AVPI1: variants seen among roughly 807,000 people sequenced by gnomAD.
AVPI1 encodes the protein arginine vasopressin induced 1.
A neutral mutation model predicts 11.9 loss-of-function variants in AVPI1; 9 were observed. That is an observed-to-expected ratio of 0.76 (90% CI 0.46 to 1.32). The LOEUF is 1.32. Among genes scored for constraint, AVPI1 ranks in the 40% most tolerant of loss-of-function variants. The pLI, the probability that AVPI1 is intolerant of heterozygous loss-of-function variation, is 0.00. For synonymous variants in AVPI1, 68 were observed against 78.1 expected (o/e 0.87, Z 0.68); for missense variants, 207 against 195.8 (o/e 1.06, Z -0.34).
At chr10:97,682,821 A>T (rs1331135874) in intron 1 of AVPI1, among the ~76,000 whole-genome samples, 3 of 152,236 alleles carry the variant, frequency 2.0e-5, no homozygotes, top group Non-Finnish European at 4.4e-5. Flanking sequence ...GAAATTTAAA[A>T]ATCTGCCTCT....
chr10:97,678,881 G>C (rs1238341227), intron 2 of AVPI1, among the ~76,000 whole-genome samples: 5 of 2,504 alleles, frequency 2.0e-3, no homozygotes, highest in South Asian at 0.024. Context: ...CGGGGGGAGG[G>C]TGTGTGTGTG....
intron 1 of AVPI1, 144 bp downstream of exon 1, chr10:97,686,622 G>A (rs746750289): frequency 7.2e-5 from 11 of 152,228 alleles, no homozygotes; most frequent in Non-Finnish European, 1.6e-4. Context: ...TTCTGGGGAA[G>A]GTCGGTCCCA....
chr10:97,678,571 TGG>T (rs1215375488), intron 2 of AVPI1, among the ~76,000 whole-genome samples: 9 of 152,034 alleles, frequency 5.9e-5, no homozygotes, highest in Non-Finnish European at 1.0e-4. Context: ...CCAGGGAGAC[TGG>T]GGAGAGATCT....
At chr10:97,678,871 C>T (rs1342211471) in intron 2 of AVPI1, among the ~76,000 whole-genome samples, 11 of 101,072 alleles carry the variant, frequency 1.1e-4, no homozygotes, top group Non-Finnish European at 1.6e-4. Context: ...TTTTTTTTGG[C>T]GGGGGGAGGG....
In AVPI1 at chr10:97,677,947, A is replaced by C; in HGVS notation, c.366T>G (p.Ser122=). ...GGCGGATCCTGGCACTTTTCTTCCT[A>C]GAGTGCAGATACTGCTCACTGGAGG... ...ETASSEQYLH[S]RKKSARIRRN... is the part of the protein sequence containing the mutation. Residue 122 remains serine, a synonymous_variant, in exon 3 of 3, where the codon TCT becomes TCG. Coordinates refer to ENST00000370626, the MANE Select transcript of AVPI1 (RefSeq NM_021732.3). 6.2e-7 allele frequency: 1 copy of C among 1,614,002 alleles called. No individual in the cohort carries two copies. The highest frequency in any genetic ancestry group is 8.5e-7 in the Non-Finnish European group (1 of 1,179,992).
intron 2 of AVPI1, 40 bp from the exon 3 acceptor site, chr10:97,678,065 A>G (rs3750564): frequency 0.42 from 674,367 of 1,590,744 alleles, 146,617 homozygotes; most frequent in African/African-American, 0.66. Flanking sequence ...CATCAATAGG[A>G]AGAATGGAAT....
chr10:97,678,210 TAGAAAGGGTTGGACC>T (rs2041677144), intron 2 of AVPI1, among the ~76,000 whole-genome samples, 185 bp from the exon 3 acceptor site: 1 of 152,210 alleles, frequency 6.6e-6, no homozygotes, highest in Non-Finnish European at 1.5e-5. Flanking sequence ...TTCTCTGCAG[TAGAAAGGGTTGGACC>T]AGATCAGGTT....
Position 97,677,867 on chromosome 10 carries a change from G to T in AVPI1, c.*2C>A. 6.2e-7 allele frequency: 1 copy of T among 1,614,014 alleles called. No individual in the cohort carries two copies. Among genetic ancestry groups the T allele is most frequent in the Non-Finnish European group, 8.5e-7 (1 of 1,179,908 alleles). ...ACTGCCATTCCTGGCTCTTTCCCTG[G>T]ATCAGTGTCTGATCTGGTGGAGGTA... On this transcript the variant is annotated 3_prime_UTR_variant, in exon 3 of 3. Transcript: ENST00000370626.
At chr10:97,684,661 G>A (rs891558504) in intron 1 of AVPI1, among the ~76,000 whole-genome samples, 2 of 151,564 alleles carry the variant, frequency 1.3e-5, no homozygotes, top group African/African-American at 2.4e-5. Context: ...CCACACGCCC[G>A]ACTAATTTTT....
In AVPI1 at chr10:97,682,641, A is replaced by G. The variant is rs151017930; in HGVS notation, c.-10-2726T>C. ...CTGGCCTTCTCCGCTCCTCACCTCA[A>G]TAGTCACCCTCATTATCCCAATCAT... On this transcript the variant is annotated intron_variant, in intron 1 of 2. Transcript: ENST00000370626. Among the ~76,000 whole-genome samples the G allele has an allele frequency of 1.3e-3, 199 of 151,858 alleles. 1 individual carries two copies. Among genetic ancestry groups the G allele is most frequent in the African/African-American group, 4.5e-3 (187 of 41,378 alleles).
chr10:97,677,729 C>T lies in AVPI1; in HGVS notation c.*140G>A. On this transcript the variant is annotated 3_prime_UTR_variant, in exon 3 of 3. Coordinates refer to ENST00000370626, the MANE Select transcript of AVPI1 (RefSeq NM_021732.3). ...CTCAACAGAAGCATCCAGTCTTGTT[C>T]TGAATGGAGCAGGTCAGTGGCAGCA... is the stretch of plus-strand genomic sequence containing the variant. The T allele has an allele frequency of 4.1e-6, 4 of 979,132 alleles. No individual in the cohort carries two copies. The highest frequency in any genetic ancestry group is 3.4e-5 in the South Asian group (2 of 59,192). The allele number at this position is 979,132 out of a possible 1,614,324, so 60.7% of individuals were successfully genotyped here.
intron 2 of AVPI1, among the ~76,000 whole-genome samples, chr10:97,678,880 G>GGT (rs1255604041): frequency 2.6e-5 from 3 of 113,446 alleles, no homozygotes; most frequent in Non-Finnish European, 3.6e-5. Context: ...GCGGGGGGAG[G>GGT]GTGTGTGTGT....
chr10:97,683,201 A>G (rs1349596680), intron 1 of AVPI1, among the ~76,000 whole-genome samples: 1 of 152,036 alleles, frequency 6.6e-6, no homozygotes, highest in Non-Finnish European at 1.5e-5. Flanking sequence ...CTTGTTGTCC[A>G]GGTTGGAGTG....
intron 1 of AVPI1, among the ~76,000 whole-genome samples, chr10:97,681,791 T>C (rs1426014207): frequency 6.9e-6 from 1 of 144,358 alleles, no homozygotes; most frequent in Non-Finnish European, 1.5e-5. Flanking sequence ...GGCAGGAGAA[T>C]GGCGTGAACC....
At chr10:97,682,288 TGGGGAGAGGAGGAGCAGG>T (rs2041709013) in intron 1 of AVPI1, among the ~76,000 whole-genome samples, 1 of 152,172 alleles carries the variant, frequency 6.6e-6, no homozygotes, top group Non-Finnish European at 1.5e-5. Flanking sequence ...CCAGGCCTGC[TGGGGAGAGGAGGAGCAGG>T]TCCTGCTGCT....
rs2275047 is a variant in AVPI1 at position 97,679,784 on chromosome 10, G to C, written c.122C>G (p.Ala41Gly). The C allele has an allele frequency of 0.42, 682,587 of 1,613,232 alleles. 148,052 individuals are homozygous for C. The highest frequency in any genetic ancestry group is 0.66 in the African/African-American group (49,740 of 74,948). ...FQDAELLQIQ[A>G]LFQRSGDQLA... ...CTGGTCCCCGCTGCGTTGAAACAGG[G>C]CTTGGATCTGCAGCAGCTCGGCGTC... Residue 41 changes from alanine (A) to glycine (G), a missense_variant, in exon 2 of 3, where the codon GCC becomes GGC. By Grantham distance (60) the Ala-to-Gly change is moderately conservative (BLOSUM62 0). Coordinates refer to ENST00000370626, the MANE Select transcript of AVPI1 (RefSeq NM_021732.3).
intron 1 of AVPI1, among the ~76,000 whole-genome samples, chr10:97,682,233 A>T (rs1242140459): frequency 6.6e-6 from 1 of 152,170 alleles, no homozygotes; most frequent in Non-Finnish European, 1.5e-5. Flanking sequence ...TGTGTGGCAC[A>T]GCCAGCTGAT....
In AVPI1 at chr10:97,679,839, G is replaced by A. The variant is rs762244978; in HGVS notation, c.67C>T (p.Arg23Cys). The change falls in exon 2 of 3, where the codon CGC (arginine) becomes TGC (cysteine). Residue 23 changes from arginine (R) to cysteine (C), a missense_variant. Coordinates refer to ENST00000370626, the MANE Select transcript of AVPI1 (RefSeq NM_021732.3). ...AAGATGTTGGCCGAGGCCTGCTTGC[G>A]GCCCCGGGCCTCAATCGGGGCCTGC... ...PWQAPIEARG[R>C]KQASANIFQD... is the part of the protein sequence containing the mutation. 41 of 1,607,874 alleles carry A rather than the reference G, an allele frequency of 2.5e-5. No individual in the cohort carries two copies. Among genetic ancestry groups the A allele is most frequent in the African/African-American group, 8.0e-5 (6 of 74,832 alleles).
chr10:97,683,864 G>GTT (rs1260693958), intron 1 of AVPI1, among the ~76,000 whole-genome samples: 12 of 152,236 alleles, frequency 7.9e-5, no homozygotes, highest in African/African-American at 2.9e-4. Flanking sequence ...CCCTCTGTGG[G>GTT]TCAGCTTCCC....
Sources: gnomAD v4.1 joint callset for allele counts (sites outside exome capture counted in the v4.1 genomes callset) on GRCh38, gnomAD v4.1.1 for gene constraint, MANE v1.5 for transcripts, NCBI Gene and HGNC (gene_info 2026-07-23, HGNC 2026-07-21) for gene names.